Variants in PM20D2 observed in about 807,000 individuals in gnomAD.
The protein encoded by PM20D2 is xaa-Arg dipeptidase.
In PM20D2, 33 loss-of-function variants were observed where a neutral mutation model predicts 42.9. The observed-to-expected ratio is 0.77, with a 90% confidence interval of 0.58 to 1.03. The LOEUF (loss-of-function observed/expected upper bound fraction) is 1.03, where lower values mean the gene tolerates loss of function less well. PM20D2 is among the 50% of genes least tolerant of loss of function. The pLI, the probability that PM20D2 is intolerant of heterozygous loss-of-function variation, is 0.00. For missense variants in PM20D2, 548 were observed against 557.0 expected (o/e 0.98, Z 0.16); for synonymous variants, 250 against 228.2 (o/e 1.10, Z -0.86).
the PM20D2 span, chr6:89,105,452 T>A: frequency 6.2e-7 from 1 of 1,610,418 alleles, no homozygotes; most frequent in South Asian, 1.1e-5. Context: ...GTGCAAACTG[T>A]ATTTCAATCT....
At chr6:89,123,992 G>A in the PM20D2 span, among the ~76,000 whole-genome samples, 1,130 of 152,162 alleles carry the variant, frequency 7.4e-3, 16 homozygotes, top group African/African-American at 0.026. Context: ...AGCTGTGTTC[G>A]TGCCACTGCA....
chr6:89,113,422 T>A, the PM20D2 span, among the ~76,000 whole-genome samples: 3 of 152,096 alleles, frequency 2.0e-5, no homozygotes, highest in Non-Finnish European at 2.9e-5. Context: ...TCCGCCCACT[T>A]TGGCCTCCCA....
chr6:89,152,458 T>C (rs768346641), intron 2 of PM20D2, among the ~76,000 whole-genome samples: 4 of 152,196 alleles, frequency 2.6e-5, no homozygotes, highest in Non-Finnish European at 5.9e-5. Flanking sequence ...GTGTGAGAAC[T>C]TAACAGTTTA....
chr6:89,115,139 C>G, the PM20D2 span, among the ~76,000 whole-genome samples: 1 of 151,804 alleles, frequency 6.6e-6, no homozygotes, highest in South Asian at 2.1e-4. Context: ...TCTCTGTCAC[C>G]CAGGCTGGAG....
intron 5 of PM20D2, among the ~76,000 whole-genome samples, chr6:89,160,213 A>G (rs892305762): frequency 6.6e-6 from 1 of 152,146 alleles, no homozygotes; most frequent in African/African-American, 2.4e-5. Context: ...TGCTTAGTGA[A>G]TATTTTCTGA....
At chr6:89,150,531 C>CTTTTTTTTTT (rs753768538) in intron 2 of PM20D2, among the ~76,000 whole-genome samples, 1 of 59,394 alleles carries the variant, frequency 1.7e-5, no homozygotes, top group Non-Finnish European at 3.1e-5. Flanking sequence ...CTGATCATCT[C>CTTTTTTTTTT]TTTTTTTTTT....
chr6:89,130,916 A>C, the PM20D2 span, among the ~76,000 whole-genome samples: 115,819 of 146,820 alleles, frequency 0.79, 45,911 homozygotes, highest in African/African-American at 0.86. Flanking sequence ...TAGCTCACTG[A>C]AGCCTCAAAC....
At chr6:89,128,457 T>C in the PM20D2 span, among the ~76,000 whole-genome samples, 1,016 of 152,272 alleles carry the variant, frequency 6.7e-3, 13 homozygotes, top group African/African-American at 0.024. Flanking sequence ...CAAGACAATA[T>C]GTGCACTGCT....
chr6:89,149,442 T>C (rs1419175101), intron 2 of PM20D2, 29 bp downstream of exon 2: 1 of 1,609,772 alleles, frequency 6.2e-7, no homozygotes, highest in Non-Finnish European at 8.5e-7. Flanking sequence ...GATAAACTTC[T>C]TAGGGGAACA....
intron 2 of PM20D2, among the ~76,000 whole-genome samples, chr6:89,152,454 G>T (rs1770886045): frequency 6.6e-6 from 1 of 151,976 alleles, no homozygotes; most frequent in Non-Finnish European, 1.5e-5. Context: ...ACTGGTGTGA[G>T]AACTTAACAG....
At chr6:89,140,784 G>A in the PM20D2 span, among the ~76,000 whole-genome samples, 2 of 152,318 alleles carry the variant, frequency 1.3e-5, no homozygotes, top group East Asian at 3.9e-4. Context: ...GAGAAGGGAA[G>A]CCAAAGGGAG....
At position 89,149,297 on chromosome 6, in the gene PM20D2, T is replaced by C. The variant is rs368438551; in HGVS notation, c.498T>C (p.Asp166=). The C allele has an allele frequency of 9.3e-6, 15 of 1,613,996 alleles. No homozygotes were observed. In the African/African-American group the frequency reaches 1.6e-4, roughly 17 times the overall value. Residue 166 remains aspartate, a synonymous_variant, in exon 2 of 7, where the codon GAT becomes GAC. Coordinates refer to ENST00000275072, the MANE Select transcript of PM20D2 (RefSeq NM_001010853.3). ...VVVLGTPAEE[D]GGGKIDLIEA... ...TCCTGGGAACCCCTGCAGAAGAAGA[T>C]GGTGGTGGCAAAATTGATTTAATTG...
At chr6:89,153,664 C>A (rs904522565) in intron 3 of PM20D2, among the ~76,000 whole-genome samples, 2 of 152,160 alleles carry the variant, frequency 1.3e-5, no homozygotes, top group African/African-American at 4.8e-5. Flanking sequence ...GTGGTGCAAT[C>A]TCGGCTCACT....
chr6:89,098,987 A>C, the PM20D2 span: 1 of 1,549,408 alleles, frequency 6.5e-7, no homozygotes, highest in South Asian at 1.2e-5. Context: ...ATTTCACACA[A>C]AATAAGAGAT....
chr6:89,161,991 A>C (rs1349483836), intron 6 of PM20D2, 101 bp downstream of exon 6: 2 of 1,475,814 alleles, frequency 1.4e-6, no homozygotes, highest in Non-Finnish European at 1.9e-6. Context: ...ACATCACCTC[A>C]GTAAATACTG....
At chr6:89,154,315 T>C (rs561294602) in intron 3 of PM20D2, among the ~76,000 whole-genome samples, 1 of 152,342 alleles carries the variant, frequency 6.6e-6, no homozygotes, top group African/African-American at 2.4e-5. Context: ...AAAATTATTT[T>C]TCCTATAGCT....
At chr6:89,103,408 A>C in the PM20D2 span, among the ~76,000 whole-genome samples, 1 of 151,684 alleles carries the variant, frequency 6.6e-6, no homozygotes, top group African/African-American at 2.4e-5. Flanking sequence ...AGCTCACTGC[A>C]ACCTCTGCCT....
chr6:89,108,141 C>T, the PM20D2 span, among the ~76,000 whole-genome samples: 1 of 152,102 alleles, frequency 6.6e-6, no homozygotes, highest in African/African-American at 2.4e-5. Flanking sequence ...TGCTTATGTG[C>T]CTTCTAGTGC....
chr6:89,094,371 C>T, the PM20D2 span, among the ~76,000 whole-genome samples: 1 of 151,956 alleles, frequency 6.6e-6, no homozygotes, highest in Non-Finnish European at 1.5e-5. Context: ...CAGGGTGTGC[C>T]ACCACAGCTG....
Sources: allele counts gnomAD v4.1 joint callset (sites outside exome capture counted in the v4.1 genomes callset), GRCh38; gene constraint gnomAD v4.1.1; transcripts MANE v1.5; gene names NCBI Gene and HGNC (gene_info 2026-07-23, HGNC 2026-07-21).